STK32B: variants seen among roughly 807,000 people sequenced by gnomAD.
STK32B encodes the protein serine/threonine-protein kinase 32B.
A neutral mutation model predicts 52.6 loss-of-function variants in STK32B; 43 were observed. The ratio of observed to expected loss-of-function variants is 0.82; its 90% confidence interval spans 0.64 to 1.05. STK32B has a LOEUF of 1.05. STK32B is among the 50% of genes least tolerant of loss of function. The pLI is 0.00. For synonymous variants in STK32B, 238 were observed against 204.3 expected (o/e 1.17, Z -1.41); for missense variants, 621 against 534.6 (o/e 1.16, Z -1.59).
chr4:5,290,674 C>T (rs1728842714), intron 3 of STK32B, among the ~76,000 whole-genome samples: 1 of 151,646 alleles, frequency 6.6e-6, no homozygotes, highest in South Asian at 2.1e-4. Flanking sequence ...GATACATGTG[C>T]TGAATGTGCA....
intron 1 of STK32B, among the ~76,000 whole-genome samples, chr4:5,130,196 G>A (rs1199403734): frequency 2.0e-5 from 3 of 151,842 alleles, no homozygotes; most frequent in Non-Finnish European, 2.9e-5. Flanking sequence ...GGGATGGGAA[G>A]GAGTCAGCAC....
At chr4:5,105,311 A>G (rs1714039557) in intron 1 of STK32B, among the ~76,000 whole-genome samples, 1 of 152,238 alleles carries the variant, frequency 6.6e-6, no homozygotes, top group Non-Finnish European at 1.5e-5. Flanking sequence ...CTCTACAAAA[A>G]TAAAAACTGA....
chr4:5,496,805 T>TA (rs531765285), intron 11 of STK32B, among the ~76,000 whole-genome samples: 2,289 of 142,612 alleles, frequency 0.016, 24 homozygotes, highest in African/African-American at 0.036. Context: ...TTCTTTGCTT[T>TA]AAAAAAAAAA....
At chr4:5,218,434 T>C (rs1168325915) in intron 3 of STK32B, among the ~76,000 whole-genome samples, 2 of 152,216 alleles carry the variant, frequency 1.3e-5, no homozygotes, top group Non-Finnish European at 1.5e-5. Context: ...TTGCAATATA[T>C]TTCAGATATA....
chr4:5,481,047 G>T (rs1718659364), intron 11 of STK32B, among the ~76,000 whole-genome samples: 1 of 152,124 alleles, frequency 6.6e-6, no homozygotes, highest in Admixed American at 6.5e-5. Flanking sequence ...AAACATACGT[G>T]TGCATGTGTC....
At chr4:5,413,388 C>T (rs1425990656) in intron 5 of STK32B, among the ~76,000 whole-genome samples, 1 of 152,154 alleles carries the variant, frequency 6.6e-6, no homozygotes, top group African/African-American at 2.4e-5. Flanking sequence ...CAGGCTCTGG[C>T]ACCATTTCTC....
chr4:5,244,168 G>T (rs563293937), intron 3 of STK32B, among the ~76,000 whole-genome samples: 70 of 152,198 alleles, frequency 4.6e-4, no homozygotes, highest in East Asian at 1.4e-3. Context: ...CAGTTCCTCC[G>T]TGTACCTCTG....
At chr4:5,246,325 G>A (rs1211697952) in intron 3 of STK32B, among the ~76,000 whole-genome samples, 3 of 151,876 alleles carry the variant, frequency 2.0e-5, no homozygotes, top group African/African-American at 7.3e-5. Context: ...CATGCATTTT[G>A]TCTTCCATAG....
chr4:5,054,192 T>G (rs950612473), intron 1 of STK32B, among the ~76,000 whole-genome samples: 5 of 152,120 alleles, frequency 3.3e-5, no homozygotes, highest in African/African-American at 4.8e-5. Context: ...TACCCACCCC[T>G]GTGCTGGGGA....
chr4:5,269,856 G>A (rs1449828663), intron 3 of STK32B, among the ~76,000 whole-genome samples: 1 of 151,992 alleles, frequency 6.6e-6, no homozygotes, highest in African/African-American at 2.4e-5. Context: ...CTCAGGAACA[G>A]ATACAAAAAT....
the STK32B span, among the ~76,000 whole-genome samples, chr4:5,025,738 C>G: frequency 6.6e-6 from 1 of 152,200 alleles, no homozygotes; most frequent in Non-Finnish European, 1.5e-5. Context: ...ATCCTTGTCT[C>G]AGAGTCAGCT....
chr4:5,127,375 A>G (rs1158217272), intron 1 of STK32B, among the ~76,000 whole-genome samples: 1 of 152,154 alleles, frequency 6.6e-6, no homozygotes. Flanking sequence ...GGCAGAGGGA[A>G]GAGTTTGGGG....
At chr4:5,208,388 A>G (rs1034387907) in intron 3 of STK32B, among the ~76,000 whole-genome samples, 5 of 152,210 alleles carry the variant, frequency 3.3e-5, no homozygotes, top group South Asian at 2.1e-4. Context: ...AGAACAAACC[A>G]TGGTCTGGGC....
At chr4:5,067,624 A>G (rs758031760) in intron 1 of STK32B, among the ~76,000 whole-genome samples, 8 of 152,194 alleles carry the variant, frequency 5.3e-5, no homozygotes, top group Non-Finnish European at 1.0e-4. Flanking sequence ...TATACATAAT[A>G]TGATCTTTAT....
At chr4:5,338,441 T>C (rs1732850889) in intron 4 of STK32B, among the ~76,000 whole-genome samples, 1 of 152,164 alleles carries the variant, frequency 6.6e-6, no homozygotes, top group East Asian at 1.9e-4. Flanking sequence ...TGTTCCTTGA[T>C]TGGGCTTCTT....
chr4:5,317,203 T>A (rs1159887969), intron 3 of STK32B, among the ~76,000 whole-genome samples: 502 of 44,628 alleles, frequency 0.011, 28 homozygotes, highest in Non-Finnish European at 0.015. Flanking sequence ...ATATATATAT[T>A]ATATATATAA....
intron 4 of STK32B, among the ~76,000 whole-genome samples, chr4:5,356,778 C>G (rs892481409): frequency 3.3e-5 from 5 of 152,264 alleles, no homozygotes; most frequent in African/African-American, 1.2e-4. Flanking sequence ...AGGTGTATCA[C>G]CTGGGGTCAG....
intron 3 of STK32B, among the ~76,000 whole-genome samples, chr4:5,180,754 C>T (rs752928096): frequency 3.9e-5 from 6 of 152,174 alleles, no homozygotes; most frequent in African/African-American, 1.4e-4. Flanking sequence ...TACACCTTCT[C>T]GTTATTCTTT....
At chr4:5,021,840 A>G in the STK32B span, among the ~76,000 whole-genome samples, 1 of 152,274 alleles carries the variant, frequency 6.6e-6, no homozygotes, top group Non-Finnish European at 1.5e-5. Flanking sequence ...ACTGGTACCA[A>G]CTGAGATATG....
Sources: gnomAD v4.1 joint callset for allele counts (sites outside exome capture counted in the v4.1 genomes callset) on GRCh38, gnomAD v4.1.1 for gene constraint, MANE v1.5 for transcripts, NCBI Gene and HGNC (gene_info 2026-07-23, HGNC 2026-07-21) for gene names.